Variants in DIP2C observed in about 807,000 individuals in gnomAD.
The protein encoded by DIP2C is DIP2 acetate--CoA ligase C (putative).
DIP2C carries 33 observed loss-of-function variants against 192.4 expected under a neutral mutation model. The observed-to-expected ratio is 0.17, with a 90% CI of 0.13 to 0.23. The LOEUF (loss-of-function observed/expected upper bound fraction) is 0.23, where lower values mean the gene tolerates loss of function less well. Among genes scored for constraint, DIP2C ranks in the 10% least tolerant of loss-of-function variants. The pLI, the probability that DIP2C is intolerant of heterozygous loss-of-function variation, is 1.00. For missense variants in DIP2C, 1,537 were observed against 2,110.1 expected, an observed-to-expected ratio of 0.73 and a Z score of 5.32; for synonymous variants, 979 against 864.1, an observed-to-expected ratio of 1.13 and a Z score of -2.33.
chr10:663,710 TCA>T (rs1402467445), intron 1 of DIP2C: 1 of 152,238 alleles, frequency 6.6e-6, no homozygotes, highest in Non-Finnish European at 1.5e-5. Flanking sequence ...CAGGTATGTT[TCA>T]CAGTCATCAC....
chr10:554,361 T>C (rs147832611), intron 1 of DIP2C, among the ~76,000 whole-genome samples: 49 of 152,354 alleles, frequency 3.2e-4, no homozygotes, highest in African/African-American at 1.2e-3. Flanking sequence ...CTGCAGTGGA[T>C]AAATGTTTCC....
chr10:464,478 TAA>T (rs1272347390), intron 3 of DIP2C, among the ~76,000 whole-genome samples: 2 of 151,956 alleles, frequency 1.3e-5, no homozygotes, highest in African/African-American at 2.4e-5. Context: ...TGGTTATCAT[TAA>T]AAAGTCAGGC....
intron 1 of DIP2C, among the ~76,000 whole-genome samples, chr10:657,061 C>T (rs1856385971): frequency 6.6e-6 from 1 of 152,274 alleles, no homozygotes; most frequent in South Asian, 2.1e-4. Context: ...GGACCTGACA[C>T]TGGACATGCT....
At chr10:471,546 G>T (rs918089414) in intron 3 of DIP2C, among the ~76,000 whole-genome samples, 1 of 152,172 alleles carries the variant, frequency 6.6e-6, no homozygotes, top group African/African-American at 2.4e-5. Context: ...CTCCATGTGA[G>T]AACAATGTGA....
At chr10:290,674 C>T (rs1239670993) in intron 32 of DIP2C, among the ~76,000 whole-genome samples, 7 of 152,100 alleles carry the variant, frequency 4.6e-5, no homozygotes, top group Admixed American at 6.5e-5. Flanking sequence ...GCCGGGGCAG[C>T]GGTGAGAAAG....
Position 670,874 on chromosome 10 carries a change from G to A in DIP2C, c.85+18620C>T, listed in dbSNP as rs1487056572. On this transcript the variant is annotated intron_variant, in intron 1 of 36. Coordinates refer to ENST00000280886, the MANE Select transcript of DIP2C (RefSeq NM_014974.3). ...TGGCTGGTAATTAATTGTTATACCA[G>A]GTGGAAAAGTATATCATTCAGGGTA... is the stretch of plus-strand genomic sequence containing the variant. Among the ~76,000 whole-genome samples, 4 of 152,310 alleles carry A rather than the reference G, an allele frequency of 2.6e-5. No individual in the cohort carries two copies. In the East Asian group the frequency reaches 5.8e-4, roughly 22 times the overall value.
chr10:615,816 C>T (rs1853433316), intron 1 of DIP2C, among the ~76,000 whole-genome samples: 1 of 152,178 alleles, frequency 6.6e-6, no homozygotes. Context: ...TCCAAACAGA[C>T]ATTGCGCCTG....
chr10:409,760 T>A (rs1379862597), intron 8 of DIP2C, among the ~76,000 whole-genome samples: 1 of 152,210 alleles, frequency 6.6e-6, no homozygotes, highest in African/African-American at 2.4e-5. Context: ...CTTCAAACTT[T>A]CCTAACCTCA....
At chr10:658,316 T>C (rs1210062150) in intron 1 of DIP2C, among the ~76,000 whole-genome samples, 8 of 151,198 alleles carry the variant, frequency 5.3e-5, no homozygotes, top group Non-Finnish European at 1.2e-4. Flanking sequence ...CCGCTGGACC[T>C]GATGCTGGAC....
chr10:377,047 A>T (rs1961685942), intron 17 of DIP2C, among the ~76,000 whole-genome samples: 1 of 152,058 alleles, frequency 6.6e-6, no homozygotes. Flanking sequence ...AACAGGAGCA[A>T]TGCATGCCCA....
At chr10:578,956 A>C (rs1564221727) in intron 1 of DIP2C, among the ~76,000 whole-genome samples, 1 of 152,168 alleles carries the variant, frequency 6.6e-6, no homozygotes, top group East Asian at 1.9e-4. Flanking sequence ...TGCATAGAGC[A>C]TTCACACATC....
chr10:425,725 G>T (rs1055098223), intron 4 of DIP2C, among the ~76,000 whole-genome samples: 1 of 152,230 alleles, frequency 6.6e-6, no homozygotes, highest in Non-Finnish European at 1.5e-5. Flanking sequence ...AGGAATTCAG[G>T]TTAACATTCA....
intron 35 of DIP2C, 126 bp downstream of exon 35, chr10:283,146 G>T: frequency 7.7e-7 from 1 of 1,303,744 alleles, no homozygotes; most frequent in Non-Finnish European, 1.1e-6. Context: ...TTCACACTGG[G>T]TTGTAGCTAG....
chr10:606,255 ACT>A (rs1450802413), intron 1 of DIP2C, among the ~76,000 whole-genome samples: 2 of 152,030 alleles, frequency 1.3e-5, no homozygotes, highest in African/African-American at 4.8e-5. Flanking sequence ...CCAGAGGACC[ACT>A]GAGGCCCCAG....
chr10:577,005 AG>A (rs1850204311), intron 1 of DIP2C, among the ~76,000 whole-genome samples: 1 of 152,340 alleles, frequency 6.6e-6, no homozygotes, highest in South Asian at 2.1e-4. Flanking sequence ...ATTAGCTGGT[AG>A]TTGATCCAGT....
chr10:554,050 C>T (rs774527566), intron 1 of DIP2C, among the ~76,000 whole-genome samples: 5 of 150,882 alleles, frequency 3.3e-5, no homozygotes, highest in Admixed American at 3.3e-4. Flanking sequence ...GTAAGAGTGG[C>T]GAACAGGCAA....
intron 10 of DIP2C, among the ~76,000 whole-genome samples, chr10:391,703 T>A (rs551638687): frequency 4.6e-5 from 7 of 152,300 alleles, no homozygotes; most frequent in East Asian, 1.9e-4. Context: ...AAATGCCACA[T>A]TGTAGTGAGC....
At chr10:353,009 G>C (rs967762233) in intron 24 of DIP2C, among the ~76,000 whole-genome samples, 2 of 152,140 alleles carry the variant, frequency 1.3e-5, no homozygotes, top group Non-Finnish European at 2.9e-5. Flanking sequence ...TTCACCGCAG[G>C]TGACAGTCGT....
chr10:482,251 G>A (rs996320537), intron 2 of DIP2C, among the ~76,000 whole-genome samples: 2 of 152,200 alleles, frequency 1.3e-5, no homozygotes, highest in African/African-American at 2.4e-5. Context: ...AGACAAGTCC[G>A]TATTTGTGAT....
Sources: gnomAD v4.1 joint callset for allele counts (sites outside exome capture counted in the v4.1 genomes callset) on GRCh38, gnomAD v4.1.1 for gene constraint, MANE v1.5 for transcripts, NCBI Gene and HGNC (gene_info 2026-07-23, HGNC 2026-07-21) for gene names.